The following NELL2 variants were observed in gnomAD, a reference collection of about 807,000 sequenced individuals.
NELL2 encodes neural EGFL like 2, also known as protein kinase C-binding protein NELL2.
Under a neutral mutation model 109.6 loss-of-function variants are expected in NELL2, and 41 were observed. That is an observed-to-expected ratio of 0.37 (90% CI 0.29 to 0.49). The LOEUF (loss-of-function observed/expected upper bound fraction) is 0.49. Ranked by LOEUF, NELL2 falls within the 20% of genes least tolerant of loss-of-function variation. The pLI, the probability that NELL2 is intolerant of heterozygous loss-of-function variation, is 0.98. For missense variants in NELL2, 900 were observed against 1,008.3 expected (o/e 0.89, Z 1.45); for synonymous variants, 355 against 344.7 (o/e 1.03, Z -0.33).
chr12:44,519,900 A>C (rs1215268333), intron 19 of NELL2, 105 bp downstream of exon 19: 1 of 384,450 alleles, frequency 2.6e-6, no homozygotes. Flanking sequence ...AATAAACAGG[A>C]AAAAAAAAAA....
intron 15 of NELL2, among the ~76,000 whole-genome samples, chr12:44,597,015 A>G (rs1480315253): frequency 6.6e-6 from 1 of 152,196 alleles, no homozygotes; most frequent in African/African-American, 2.4e-5. Context: ...ATCTTGTCCC[A>G]GAGTGTGGAA....
At chr12:44,710,549 A>G (rs1045493733) in intron 11 of NELL2, among the ~76,000 whole-genome samples, 1 of 152,178 alleles carries the variant, frequency 6.6e-6, no homozygotes, top group Non-Finnish European at 1.5e-5. Context: ...CAAGGATCTT[A>G]AAGAGTTCCA....
intron 9 of NELL2, among the ~76,000 whole-genome samples, chr12:44,722,822 C>CTA (rs1307812787): frequency 6.6e-6 from 1 of 152,092 alleles, no homozygotes; most frequent in Non-Finnish European, 1.5e-5. Context: ...TTGGTTTTAC[C>CTA]TATACTCCCA....
At chr12:44,767,443 A>G (rs1318351950) in intron 9 of NELL2, among the ~76,000 whole-genome samples, 2 of 152,284 alleles carry the variant, frequency 1.3e-5, no homozygotes, top group South Asian at 2.1e-4. Context: ...ATCTGGGACC[A>G]TCTTCTTGTA....
At chr12:44,839,133 T>TCC (rs1944144833) in intron 2 of NELL2, among the ~76,000 whole-genome samples, 1 of 4,364 alleles carries the variant, frequency 2.3e-4, no homozygotes, top group South Asian at 6.8e-3. Context: ...ATATGATCTT[T>TCC]AAAATTCTAT....
intron 19 of NELL2, among the ~76,000 whole-genome samples, chr12:44,512,442 G>T (rs1941040784): frequency 6.6e-6 from 1 of 151,746 alleles, no homozygotes; most frequent in Non-Finnish European, 1.5e-5. Flanking sequence ...AACTAAAATA[G>T]ATCTAACATA....
rs560378204 is a variant in NELL2, at chr12:44,772,630, A to G, written c.994+2117T>C. Reference sequence around the variant, plus strand: ...GTAAAATGTTAAATTCATTAAAACTAAAATTTCAAATCTTTGAAATAACAA... The same window carrying G: ...GTAAAATGTTAAATTCATTAAAACTGAAATTTCAAATCTTTGAAATAACAA... On this transcript the variant is annotated intron_variant, in intron 9 of 19. Coordinates refer to ENST00000429094, the MANE Select transcript of NELL2 (RefSeq NM_001145108.2). 2.6e-5 allele frequency among the ~76,000 whole-genome samples: 4 copies of G among 152,352 alleles called. No individual in the cohort carries two copies. In the South Asian group the frequency reaches 8.3e-4, roughly 32 times the overall value.
At chr12:44,804,121 T>G (rs900269263) in intron 3 of NELL2, among the ~76,000 whole-genome samples, 3 of 151,936 alleles carry the variant, frequency 2.0e-5, no homozygotes, top group Admixed American at 6.6e-5. Flanking sequence ...ATTCAATAAT[T>G]GATATATTCT....
At chr12:44,519,469 T>C (rs1223849525) in intron 19 of NELL2, among the ~76,000 whole-genome samples, 2 of 152,216 alleles carry the variant, frequency 1.3e-5, no homozygotes, top group African/African-American at 4.8e-5. Flanking sequence ...TTTCTCCAAC[T>C]GTATGAATAA....
chr12:44,574,149 T>C (rs1170117268), intron 15 of NELL2, among the ~76,000 whole-genome samples: 1 of 152,054 alleles, frequency 6.6e-6, no homozygotes, highest in Admixed American at 6.6e-5. Flanking sequence ...CTGCAACCTC[T>C]GTCTCTTGGG....
intron 9 of NELL2, among the ~76,000 whole-genome samples, chr12:44,743,794 A>T (rs1403525786): frequency 6.6e-6 from 1 of 152,218 alleles, no homozygotes; most frequent in Non-Finnish European, 1.5e-5. Context: ...ACCCAGATTC[A>T]TAAAGCAAAT....
At chr12:44,850,996 A>G (rs570285138) in intron 2 of NELL2, among the ~76,000 whole-genome samples, 1 of 152,182 alleles carries the variant, frequency 6.6e-6, no homozygotes, top group Non-Finnish European at 1.5e-5. Flanking sequence ...GGAGTCCAAG[A>G]TTCTCTTACA....
chr12:44,875,684 G>A (rs1592695249), intron 1 of NELL2, 131 bp downstream of exon 1: 4 of 1,583,186 alleles, frequency 2.5e-6, no homozygotes, highest in African/African-American at 1.4e-5. Context: ...ATCCAAACCC[G>A]CCCCCTTACT....
At chr12:44,855,826 G>C (rs1270929608) in intron 2 of NELL2, among the ~76,000 whole-genome samples, 2 of 152,138 alleles carry the variant, frequency 1.3e-5, no homozygotes, top group East Asian at 1.9e-4. Context: ...TCATAGGCTG[G>C]AGAAGGACCC....
At chr12:44,735,559 C>T in intron 9 of NELL2, among the ~76,000 whole-genome samples, 1 of 152,174 alleles carries the variant, frequency 6.6e-6, no homozygotes, top group East Asian at 1.9e-4. Flanking sequence ...CTGTTGAATG[C>T]TTCCTCCTAC....
chr12:44,562,244 A>G (rs2136183479), intron 15 of NELL2, among the ~76,000 whole-genome samples: 1 of 152,376 alleles, frequency 6.6e-6, no homozygotes. Context: ...ACCATTCAGG[A>G]CATAGGCATG....
At chr12:44,549,341 T>G (rs1432210737) in intron 15 of NELL2, among the ~76,000 whole-genome samples, 1 of 152,130 alleles carries the variant, frequency 6.6e-6, no homozygotes, top group East Asian at 1.9e-4. Flanking sequence ...TCTCTTATTA[T>G]TCTGCTGGTT....
intron 9 of NELL2, among the ~76,000 whole-genome samples, chr12:44,758,122 T>C (rs7309491): frequency 0.88 from 133,378 of 152,064 alleles, 58,578 homozygotes; most frequent in Admixed American, 0.94. Context: ...GTTTTCAGCG[T>C]AATCTAAAGA....
chr12:44,791,094 T>TAC (rs1487640401), intron 3 of NELL2, among the ~76,000 whole-genome samples: 1 of 13,484 alleles, frequency 7.4e-5, no homozygotes, highest in African/African-American at 2.0e-4. Flanking sequence ...TATATATATA[T>TAC]ATGTATATAT....
Sources: allele counts gnomAD v4.1 joint callset (sites outside exome capture counted in the v4.1 genomes callset), GRCh38; gene constraint gnomAD v4.1.1; transcripts MANE v1.5; gene names NCBI Gene and HGNC (gene_info 2026-07-23, HGNC 2026-07-21).